ABHD12: variants seen among roughly 807,000 people sequenced by gnomAD.
ABHD12 encodes abhydrolase domain containing 12, lysophospholipase.
ABHD12 carries 43 observed loss-of-function variants against 58.3 expected under a neutral mutation model. The observed-to-expected ratio is 0.74, with a 90% CI of 0.58 to 0.95. ABHD12 has a LOEUF of 0.95. ABHD12 is among the 40% of genes least tolerant of loss of function. The probability of loss-of-function intolerance (pLI) is 0.00; values close to 1 mark genes in which losing one functional copy is unlikely to be tolerated. For missense variants in ABHD12, 539 were observed against 537.2 expected, an observed-to-expected ratio of 1.00 and a Z score of -0.03; for synonymous variants, 219 against 211.2, an observed-to-expected ratio of 1.04 and a Z score of -0.32.
chr20:25,296,328 G>T (rs1458638501), downstream of ABHD12: 1 of 1,610,656 alleles, frequency 6.2e-7, no homozygotes, highest in Non-Finnish European at 8.5e-7. Flanking sequence ...GCAGCCCCAA[G>T]CCCTGTGACG....
At chr20:25,371,285 T>C (rs1468049164) in intron 1 of ABHD12, among the ~76,000 whole-genome samples, 2 of 152,204 alleles carry the variant, frequency 1.3e-5, no homozygotes, top group East Asian at 3.8e-4. Context: ...CAAGCCGCTC[T>C]ATCAGGATGG....
chr20:25,370,659 G>A (rs528073519), intron 1 of ABHD12, among the ~76,000 whole-genome samples: 3 of 152,176 alleles, frequency 2.0e-5, no homozygotes, highest in African/African-American at 4.8e-5. Flanking sequence ...ATGGGTGTGC[G>A]ACCCTGGGCA....
At chr20:25,332,480 C>T (rs1198356936) in intron 2 of ABHD12, among the ~76,000 whole-genome samples, 1 of 133,438 alleles carries the variant, frequency 7.5e-6, no homozygotes, top group Non-Finnish European at 1.7e-5. Context: ...CAGAACTCTC[C>T]ACCCCAAATC....
chr20:25,339,202 G>A (rs2089420903), intron 2 of ABHD12, 25 bp downstream of exon 2: 1 of 1,613,554 alleles, frequency 6.2e-7, no homozygotes, highest in Non-Finnish European at 8.5e-7. Flanking sequence ...TAAAATTAAA[G>A]GAAAAATGGA....
At chr20:25,366,878 G>A (rs980128149) in intron 1 of ABHD12, among the ~76,000 whole-genome samples, 1 of 152,130 alleles carries the variant, frequency 6.6e-6, no homozygotes, top group Non-Finnish European at 1.5e-5. Flanking sequence ...TGTTATTCCT[G>A]AGCTGAGCAC....
chr20:25,313,784 G>GCAAAAC (rs59829383), intron 6 of ABHD12, among the ~76,000 whole-genome samples: 91,331 of 149,390 alleles, frequency 0.61, 29,438 homozygotes, highest in African/African-American at 0.78. Flanking sequence ...CTGTCTCAAA[G>GCAAAAC]CAAAACCAAA....
intron 9 of ABHD12, 53 bp downstream of exon 9, chr20:25,307,913 C>A (rs1447202602): frequency 2.2e-6 from 2 of 920,204 alleles, no homozygotes; most frequent in African/African-American, 3.3e-5. Context: ...TTAGTTATTT[C>A]TATAATTTAT....
Position 25,322,437 on chromosome 20 carries a change from T to C in ABHD12, c.422+888A>G, listed in dbSNP as rs1236412848. On this transcript the variant is annotated intron_variant, in intron 3 of 12. Coordinates refer to ENST00000339157, the MANE Select transcript of ABHD12 (RefSeq NM_001042472.3). The stretch of plus-strand genomic sequence containing the variant: ...CTCTGTTGCCCAGGCTGGAGTGCAG[T>C]GGCATAATCTCAGCTCACTGCAGCC... Among the ~76,000 whole-genome samples, 3 of 142,912 alleles carry C rather than the reference T, an allele frequency of 2.1e-5. No homozygotes were observed. The Admixed American group carries it at 2.2e-4, about 10-fold the overall frequency. 93.8% of individuals were successfully genotyped at this position (142,912 alleles called of 152,430 possible).
intron 1 of ABHD12, among the ~76,000 whole-genome samples, chr20:25,388,229 A>C (rs1445936562): frequency 1.3e-5 from 2 of 152,182 alleles, no homozygotes; most frequent in Non-Finnish European, 2.9e-5. Context: ...GGAAGGATCC[A>C]AAGAAGGATC....
downstream of ABHD12, chr20:25,296,984 T>TGTA: frequency 6.0e-6 from 1 of 167,758 alleles, no homozygotes; most frequent in African/African-American, 2.4e-5. Context: ...CCAAGCCCCA[T>TGTA]GTAGCCCCAG....
At chr20:25,329,283 T>C (rs2089227984) in intron 2 of ABHD12, among the ~76,000 whole-genome samples, 3 of 152,230 alleles carry the variant, frequency 2.0e-5, no homozygotes, top group African/African-American at 4.8e-5. Flanking sequence ...TGCTCCACCA[T>C]TGAGGTCCAA....
chr20:25,336,736 G>A (rs2089376497), intron 2 of ABHD12, among the ~76,000 whole-genome samples: 1 of 152,240 alleles, frequency 6.6e-6, no homozygotes, highest in Non-Finnish European at 1.5e-5. Flanking sequence ...CCCAAAGGGG[G>A]AGACAGAGAA....
At chr20:25,316,978 G>C in intron 5 of ABHD12, 70 bp downstream of exon 5, 2 of 1,363,008 alleles carry the variant, frequency 1.5e-6, no homozygotes, top group Non-Finnish European at 1.0e-6. Context: ...TGTGAGTCTG[G>C]TGACTCCCTT....
chr20:25,332,640 G>C (rs1002658909), intron 2 of ABHD12, among the ~76,000 whole-genome samples: 52 of 150,924 alleles, frequency 3.4e-4, no homozygotes, highest in African/African-American at 1.2e-3. Flanking sequence ...CTAGAACTCA[G>C]GATTAAGAAA....
intron 1 of ABHD12, among the ~76,000 whole-genome samples, chr20:25,371,092 G>A (rs777938269): frequency 1.2e-4 from 19 of 152,152 alleles, no homozygotes; most frequent in Non-Finnish European, 2.1e-4. Flanking sequence ...GAAAGACACT[G>A]GGGAGTCCAG....
intron 1 of ABHD12, among the ~76,000 whole-genome samples, chr20:25,357,618 T>C (rs1387466281): frequency 6.6e-6 from 1 of 152,076 alleles, no homozygotes; most frequent in Non-Finnish European, 1.5e-5. Flanking sequence ...TATAAAAAAT[T>C]TAAGATTCAA....
rs530279970 is a variant in ABHD12, at chr20:25,309,798, C to CA, written c.620-224dup. On this transcript the variant is annotated intron_variant, in intron 6 of 12. Transcript: ENST00000339157. ...ACCAGCCCTGGGGAAGGCAGCCCAG[C>CA]AGCAACCCTGCCCTGCCCCTGCTGA... Among the ~76,000 whole-genome samples the CA allele has an allele frequency of 3.9e-4, 59 of 152,366 alleles. No individual in the cohort carries two copies. In the East Asian group the frequency reaches 0.01, roughly 26 times the overall value.
chr20:25,308,493 C>T lies in ABHD12; in HGVS notation c.751G>A (p.Val251Met), dbSNP rs760259853. 5.6e-6 allele frequency: 9 copies of T among 1,610,456 alleles called. No individual in the cohort carries two copies. Among genetic ancestry groups the T allele is most frequent in the African/African-American group, 1.3e-5 (1 of 74,926 alleles). The change falls in exon 8 of 13, where the codon GTG (valine) becomes ATG (methionine). Residue 251 changes from valine to methionine, a missense_variant and splice_region_variant. Physicochemically the swap from Val to Met is conservative, Grantham distance 21. Transcript: ENST00000339157. ...YIWGHSLGTGVATNLVRRLCE... is the reference protein window; with the variant it reads ...YIWGHSLGTGMATNLVRRLCE... ...AGGCGCCGCACCAGATTTGTCGCCACGCTAGGAAAAAAGAAAAACAGCTTA... is the reference window on the plus strand; with the variant it reads ...AGGCGCCGCACCAGATTTGTCGCCATGCTAGGAAAAAAGAAAAACAGCTTA...
intron 1 of ABHD12, among the ~76,000 whole-genome samples, chr20:25,350,224 C>T (rs1403358664): frequency 6.6e-6 from 1 of 152,148 alleles, no homozygotes; most frequent in Non-Finnish European, 1.5e-5. Context: ...GTTATTAACA[C>T]TATTCTGGAA....
Sources: gnomAD v4.1 joint callset for allele counts (sites outside exome capture counted in the v4.1 genomes callset) on GRCh38, gnomAD v4.1.1 for gene constraint, MANE v1.5 for transcripts, NCBI Gene and HGNC (gene_info 2026-07-23, HGNC 2026-07-21) for gene names.